The following ADARB2 variants were observed in gnomAD, a reference collection of about 807,000 sequenced individuals.
The protein encoded by ADARB2 is inactive double-stranded RNA-specific editase B2.
A neutral mutation model predicts 62.2 loss-of-function variants in ADARB2; 25 were observed. That is an observed-to-expected ratio of 0.40 (90% CI 0.29 to 0.56). The LOEUF is 0.56. ADARB2 is among the 20% of genes least tolerant of loss of function. ADARB2 has a pLI of 0.43. For missense variants in ADARB2, 1,071 were observed against 1,077.4 expected (o/e 0.99, Z 0.08); for synonymous variants, 572 against 500.8 (o/e 1.14, Z -1.90).
intron 1 of ADARB2, among the ~76,000 whole-genome samples, chr10:1,649,486 G>A (rs1028007743): frequency 7.2e-5 from 11 of 152,074 alleles, no homozygotes; most frequent in African/African-American, 2.7e-4. Flanking sequence ...AATTTTCTCC[G>A]TGGCTCATTT....
intron 4 of ADARB2, among the ~76,000 whole-genome samples, chr10:1,261,923 A>G (rs1177243094): frequency 6.7e-6 from 1 of 148,888 alleles, no homozygotes; most frequent in African/African-American, 2.6e-5. Flanking sequence ...CTGGATTAAG[A>G]AAATGTGGCA....
At chr10:1,584,334 T>G (rs1016583872) in intron 1 of ADARB2, among the ~76,000 whole-genome samples, 2 of 142,266 alleles carry the variant, frequency 1.4e-5, no homozygotes, top group Non-Finnish European at 3.2e-5. Flanking sequence ...AATCAACCTA[T>G]GAAAAGTCGC....
chr10:1,187,233 C>T (rs1437906285), intron 8 of ADARB2, among the ~76,000 whole-genome samples: 2 of 152,268 alleles, frequency 1.3e-5, no homozygotes, highest in African/African-American at 2.4e-5. Context: ...GGCTGTCCTA[C>T]TAGGCAGGGG....
At chr10:1,640,886 G>T (rs1005715284) in intron 1 of ADARB2, among the ~76,000 whole-genome samples, 1 of 152,202 alleles carries the variant, frequency 6.6e-6, no homozygotes, top group Non-Finnish European at 1.5e-5. Context: ...GGGTGAGATG[G>T]TGAGGTGAAT....
chr10:1,222,222 G>A (rs899024963), intron 6 of ADARB2, among the ~76,000 whole-genome samples: 3 of 152,196 alleles, frequency 2.0e-5, no homozygotes, highest in Non-Finnish European at 2.9e-5. Flanking sequence ...CTTTTTTTGA[G>A]AAGTGTTTGT....
intron 2 of ADARB2, among the ~76,000 whole-genome samples, chr10:1,364,122 G>A (rs575548604): frequency 1.3e-5 from 2 of 152,312 alleles, no homozygotes; most frequent in South Asian, 4.1e-4. Flanking sequence ...TTGGTCCCTT[G>A]CTGAGGGCCT....
intron 3 of ADARB2, among the ~76,000 whole-genome samples, chr10:1,288,619 C>A (rs1403074533): frequency 6.6e-6 from 1 of 152,188 alleles, no homozygotes; most frequent in Non-Finnish European, 1.5e-5. Flanking sequence ...ATGCCTTGGT[C>A]ACAGCTCCCA....
At position 1,412,421 on chromosome 10, in the gene ADARB2, C is replaced by A. The variant is rs938247431; in HGVS notation, c.101-33261G>T. ...TTTATAAATCCATGTTTAAATGAAA[C>A]CTGGGCTTTAGCTATGTGAGGTTGT... On this transcript the variant is annotated intron_variant, in intron 1 of 9. Transcript: ENST00000381312. 2.0e-5 allele frequency among the ~76,000 whole-genome samples: 3 copies of A among 151,236 alleles called. No homozygotes were observed. The East Asian group carries it at 5.8e-4, about 29-fold the overall frequency.
chr10:1,492,858 A>G (rs532603051), intron 1 of ADARB2, among the ~76,000 whole-genome samples: 3 of 152,016 alleles, frequency 2.0e-5, no homozygotes, highest in Non-Finnish European at 2.9e-5. Context: ...CTTGGACTTC[A>G]TGCCAAGTAC....
intron 1 of ADARB2, among the ~76,000 whole-genome samples, chr10:1,673,807 C>G (rs978795144): frequency 6.6e-6 from 1 of 152,224 alleles, no homozygotes; most frequent in South Asian, 2.1e-4. Context: ...CTGGGCATAC[C>G]AGGAGGGGCA....
intron 1 of ADARB2, among the ~76,000 whole-genome samples, chr10:1,405,060 C>A (rs907488942): frequency 3.3e-5 from 5 of 152,162 alleles, no homozygotes; most frequent in Non-Finnish European, 7.4e-5. Flanking sequence ...CTCCCAGCTC[C>A]GAGGGCTCCC....
In ADARB2 at chr10:1,648,898, C is replaced by G. The variant is rs554803516; in HGVS notation, c.100+88153G>C. Reference sequence around the variant, plus strand: ...CCTCATCTTACAAGGGCAACTGACGCTGACATTCAACAACTGGTGCAATGT... The same window carrying G: ...CCTCATCTTACAAGGGCAACTGACGGTGACATTCAACAACTGGTGCAATGT... On this transcript the variant is annotated intron_variant, in intron 1 of 9. Transcript: ENST00000381312. Among the ~76,000 whole-genome samples, 106 of 152,298 alleles carry G rather than the reference C, an allele frequency of 7.0e-4. 2 individuals carry two copies. In the South Asian group the frequency reaches 0.022, roughly 31 times the overall value.
chr10:1,589,443 A>G (rs1466890539), intron 1 of ADARB2, among the ~76,000 whole-genome samples: 1 of 151,920 alleles, frequency 6.6e-6, no homozygotes, highest in Non-Finnish European at 1.5e-5. Flanking sequence ...CGGGGTGTCC[A>G]TGGTCGGGGT....
At chr10:1,678,664 C>T (rs1834499185) in intron 1 of ADARB2, among the ~76,000 whole-genome samples, 1 of 152,168 alleles carries the variant, frequency 6.6e-6, no homozygotes, top group African/African-American at 2.4e-5. Context: ...CCGTAGTTCA[C>T]AGCCAGGGGC....
intron 1 of ADARB2, among the ~76,000 whole-genome samples, chr10:1,493,330 A>G (rs1464740643): frequency 6.6e-6 from 1 of 152,258 alleles, no homozygotes; most frequent in East Asian, 1.9e-4. Context: ...ATTTGCAGTC[A>G]GTAGCTTTGT....
intron 1 of ADARB2, among the ~76,000 whole-genome samples, chr10:1,407,640 C>T (rs112301139): frequency 5.9e-5 from 9 of 152,186 alleles, no homozygotes; most frequent in African/African-American, 1.9e-4. Context: ...CCTAGCCCAG[C>T]ACTGGCAGAG....
In ADARB2 at chr10:1,327,734, A is replaced by G. The variant is rs1489014912; in HGVS notation, c.1077+35294T>C. ...GCCTACCCACAGTTCAGCACCTCCC[A>G]CGGCACAGCGCCTCACTGCACAGCG... On this transcript the variant is annotated intron_variant, in intron 3 of 9. Coordinates refer to ENST00000381312, the MANE Select transcript of ADARB2 (RefSeq NM_018702.4). Among the ~76,000 whole-genome samples, 5 of 45,078 alleles carry G rather than the reference A, an allele frequency of 1.1e-4. 2 individuals are homozygous for G. Among genetic ancestry groups the G allele is most frequent in the African/African-American group, 2.5e-4 (3 of 11,784 alleles). 29.6% of individuals were successfully genotyped at this position (45,078 alleles called of 152,430 possible).
intron 1 of ADARB2, among the ~76,000 whole-genome samples, chr10:1,712,799 C>T (rs1358862151): frequency 6.6e-6 from 1 of 151,766 alleles, no homozygotes; most frequent in African/African-American, 2.4e-5. Flanking sequence ...TTAGTAGAGA[C>T]AGGGTTTCAC....
intron 1 of ADARB2, among the ~76,000 whole-genome samples, chr10:1,580,959 G>A (rs1402892215): frequency 6.6e-6 from 1 of 152,226 alleles, no homozygotes; most frequent in Non-Finnish European, 1.5e-5. Context: ...ATGAAGCCCA[G>A]TGCTTATTCC....
Sources: allele counts gnomAD v4.1 joint callset (sites outside exome capture counted in the v4.1 genomes callset), GRCh38; gene constraint gnomAD v4.1.1; transcripts MANE v1.5; gene names NCBI Gene and HGNC (gene_info 2026-07-23, HGNC 2026-07-21).